The following SNX27 variants were observed in gnomAD, a reference collection of about 807,000 sequenced individuals.
SNX27 encodes sorting nexin-27.
A neutral mutation model predicts 71.6 loss-of-function variants in SNX27; 22 were observed. That is an observed-to-expected ratio of 0.31 (90% confidence interval 0.22 to 0.44). SNX27 has a LOEUF of 0.44. Among genes scored for constraint, SNX27 ranks in the 20% least tolerant of loss-of-function variants. The probability of loss-of-function intolerance (pLI) is 1.00; values close to 1 mark genes in which losing one functional copy is unlikely to be tolerated. For missense variants in SNX27, 531 were observed against 698.6 expected (o/e 0.76, Z 2.70); for synonymous variants, 269 against 277.2 (o/e 0.97, Z 0.29).
chr1:151,624,441 T>A (rs1667828286), intron 1 of SNX27, among the ~76,000 whole-genome samples: 1 of 144,084 alleles, frequency 6.9e-6, no homozygotes, highest in Admixed American at 6.9e-5. Context: ...ATGTATTTTT[T>A]TTTTTTTTGC....
At chr1:151,694,044 G>A (rs947577997) in intron 11 of SNX27, 1 of 1,231,098 alleles carries the variant, frequency 8.1e-7, no homozygotes, top group Non-Finnish European at 1.0e-6. Context: ...TTATATTTTA[G>A]TACAGTAGAA....
chr1:151,657,440 G>C (rs1360967412), intron 2 of SNX27, among the ~76,000 whole-genome samples: 1 of 152,126 alleles, frequency 6.6e-6, no homozygotes, highest in Non-Finnish European at 1.5e-5. Flanking sequence ...AAAGTGTGCT[G>C]GAATCACAGA....
intron 8 of SNX27, among the ~76,000 whole-genome samples, chr1:151,684,258 T>C (rs1349744636): frequency 6.6e-6 from 1 of 152,208 alleles, no homozygotes; most frequent in African/African-American, 2.4e-5. Context: ...GGTATTTAAA[T>C]ATAAATTTAA....
At chr1:151,680,007 GTTTTTA>G (rs913004217) in intron 7 of SNX27, 2 of 152,008 alleles carry the variant, frequency 1.3e-5, no homozygotes, top group African/African-American at 4.8e-5. Flanking sequence ...AGAGGCTGCT[GTTTTTA>G]TTAGGAGCCT....
At chr1:151,642,401 ATGTTT>A (rs1477124563) in intron 2 of SNX27, among the ~76,000 whole-genome samples, 2 of 151,788 alleles carry the variant, frequency 1.3e-5, no homozygotes, top group Non-Finnish European at 1.5e-5. Context: ...AGGGACTTAG[ATGTTT>A]TGTAAATATT....
chr1:151,645,028 G>C (rs764270270), intron 2 of SNX27, among the ~76,000 whole-genome samples: 3 of 152,094 alleles, frequency 2.0e-5, no homozygotes, highest in Non-Finnish European at 4.4e-5. Context: ...TCAAACTCCT[G>C]ACCTCAGGTA....
At chr1:151,660,974 A>C in intron 4 of SNX27, 112 bp downstream of exon 4, 1 of 784,702 alleles carries the variant, frequency 1.3e-6, no homozygotes. Context: ...AAAGGACTCC[A>C]TTTTTTCTAC....
intron 1 of SNX27, among the ~76,000 whole-genome samples, chr1:151,634,945 T>C (rs1171316574): frequency 1.3e-5 from 2 of 152,252 alleles, no homozygotes; most frequent in Non-Finnish European, 2.9e-5. Context: ...TAGATCCTAC[T>C]GGGCAGTCAG....
At chr1:151,670,877 A>T (rs550926555) in intron 7 of SNX27, among the ~76,000 whole-genome samples, 1 of 152,036 alleles carries the variant, frequency 6.6e-6, no homozygotes, top group East Asian at 1.9e-4. Context: ...TGTCCTGGAG[A>T]GTTTCCCTGA....
chr1:151,663,134 G>T (rs962437435), intron 5 of SNX27, among the ~76,000 whole-genome samples: 3 of 151,618 alleles, frequency 2.0e-5, no homozygotes, highest in Non-Finnish European at 4.4e-5. Context: ...TCTAAACAAG[G>T]TCCTTAGATC....
intron 1 of SNX27, among the ~76,000 whole-genome samples, chr1:151,634,249 C>A (rs1668373563): frequency 6.6e-6 from 1 of 152,096 alleles, no homozygotes; most frequent in Non-Finnish European, 1.5e-5. Context: ...ATTTATTATC[C>A]ATTTTTAATG....
chr1:151,655,759 A>C (rs753435224), intron 2 of SNX27, among the ~76,000 whole-genome samples: 1 of 152,214 alleles, frequency 6.6e-6, no homozygotes. Context: ...ACCACCTGGA[A>C]GTCCACAGAT....
Position 151,658,409 on chromosome 1 carries a change from G to A in SNX27, c.718G>A (p.Glu240Lys). 1 of 1,613,940 alleles carries A rather than the reference G, an allele frequency of 6.2e-7. No individual in the cohort carries two copies. Among genetic ancestry groups the A allele is most frequent in the African/African-American group, 1.3e-5 (1 of 75,020 alleles). Residue 240 changes from glutamate to lysine, a missense_variant, in exon 3 of 12, where the codon GAA becomes AAA. Physicochemically the swap from Glu to Lys is moderately conservative, Grantham distance 56 (BLOSUM62 1). This residue lies in a region of SNX27 where 184 missense variants were observed against 289.6 expected (regional missense o/e 0.64). Coordinates refer to ENST00000458013, the MANE Select transcript of SNX27 (RefSeq NM_001330723.2). ...ATTAGATGCCCGACGTCGGGGATTGGAAGAATATCTAGAAAAAGGTAATCC... is the reference window on the plus strand; with the variant it reads ...ATTAGATGCCCGACGTCGGGGATTGAAAGAATATCTAGAAAAAGGTAATCC... ...QQLDARRRGL[E>K]EYLEKVCSIR... is the part of the protein sequence containing the mutation.
chr1:151,697,398 A>G lies in SNX27; in HGVS notation c.*2981A>G, dbSNP rs561650312. Reference sequence around the variant, plus strand: ...CCCCTTAGAATGGGTAGATGGTGTTATGTTCCCTTTCTGGCATAGCATTCA... The same window carrying G: ...CCCCTTAGAATGGGTAGATGGTGTTGTGTTCCCTTTCTGGCATAGCATTCA... On this transcript the variant is annotated 3_prime_UTR_variant, in exon 12 of 12. Coordinates refer to ENST00000458013, the MANE Select transcript of SNX27 (RefSeq NM_001330723.2). 8.5e-4 allele frequency: 130 copies of G among 152,598 alleles called. No individual in the cohort carries two copies. Among genetic ancestry groups the G allele is most frequent in the Non-Finnish European group, 1.6e-3 (108 of 68,084 alleles). The allele number at this position is 152,598 out of a possible 1,614,324, so 9.5% of individuals were successfully genotyped here. A position where few individuals can be genotyped will look rare whatever the true frequency, so the allele number is the denominator to read the frequency against.
intron 1 of SNX27, among the ~76,000 whole-genome samples, chr1:151,626,696 C>T (rs966728189): frequency 6.3e-5 from 9 of 143,404 alleles, no homozygotes; most frequent in East Asian, 2.0e-4. Flanking sequence ...AGCAAGACTC[C>T]GTCTAAATAA....
intron 1 of SNX27, among the ~76,000 whole-genome samples, chr1:151,615,408 T>G (rs1667382897): frequency 6.6e-6 from 1 of 152,200 alleles, no homozygotes; most frequent in Admixed American, 6.5e-5. Context: ...CTTTAGGGTT[T>G]CAAGTGAGAG....
chr1:151,692,661 C>G, intron 9 of SNX27, 77 bp downstream of exon 9: 2 of 1,555,670 alleles, frequency 1.3e-6, no homozygotes, highest in Admixed American at 3.9e-5. Flanking sequence ...CGTTTTAATT[C>G]CATTTTAGGG....
intron 1 of SNX27, among the ~76,000 whole-genome samples, chr1:151,617,238 G>A (rs1008024427): frequency 2.0e-4 from 31 of 151,958 alleles, no homozygotes; most frequent in Admixed American, 8.5e-4. Context: ...GCTTTGCAGC[G>A]TGTATAGTGT....
At chr1:151,654,634 T>C (rs1215060848) in intron 2 of SNX27, among the ~76,000 whole-genome samples, 2 of 152,138 alleles carry the variant, frequency 1.3e-5, no homozygotes, top group Non-Finnish European at 2.9e-5. Context: ...AGGTCATTTA[T>C]AAAGAAAAGT....
Sources: allele counts gnomAD v4.1 joint callset (sites outside exome capture counted in the v4.1 genomes callset), GRCh38; gene constraint gnomAD v4.1.1; regional missense constraint gnomAD v4.1.1; transcripts MANE v1.5; gene names NCBI Gene and HGNC (gene_info 2026-07-23, HGNC 2026-07-21).